KAT6A: variants seen among roughly 807,000 people sequenced by gnomAD.
KAT6A encodes lysine acetyltransferase 6A.
Under a neutral mutation model 198.4 loss-of-function variants are expected in KAT6A, and 9 were observed. That is an observed-to-expected ratio of 0.05 (90% CI 0.03 to 0.08). The LOEUF is 0.08. Among genes scored for constraint, KAT6A ranks in the 10% least tolerant of loss-of-function variants. KAT6A has a pLI of 1.00. For missense variants in KAT6A, 2,077 were observed against 2,509.9 expected (o/e 0.83, Z 3.69); for synonymous variants, 890 against 883.0 (o/e 1.01, Z -0.14).
chr8:41,948,632 G>T (rs1397115148), intron 10 of KAT6A, among the ~76,000 whole-genome samples: 1 of 152,052 alleles, frequency 6.6e-6, no homozygotes, highest in South Asian at 2.1e-4. Context: ...AACAACCCAG[G>T]TAGTTTAATA....
chr8:41,958,601 C>T (rs538197099), intron 8 of KAT6A, among the ~76,000 whole-genome samples: 1 of 152,254 alleles, frequency 6.6e-6, no homozygotes, highest in African/African-American at 2.4e-5. Context: ...AACCCTTGGA[C>T]TGGAGTAGAA....
At chr8:41,976,263 C>T (rs1292444586) in intron 7 of KAT6A, among the ~76,000 whole-genome samples, 7 of 152,184 alleles carry the variant, frequency 4.6e-5, no homozygotes, top group African/African-American at 9.7e-5. Context: ...CATTCTCATT[C>T]TACTTTCTTC....
At chr8:41,987,354 GT>G (rs1824666423) in intron 3 of KAT6A, 100 bp downstream of exon 3, 1 of 716,042 alleles carries the variant, frequency 1.4e-6, no homozygotes, top group Non-Finnish European at 2.5e-6. Flanking sequence ...ATGTATGACT[GT>G]ATTAATCTCA....
At position 41,931,178 on chromosome 8, in the gene KAT6A, A is replaced by T. The variant is rs1166386486; in HGVS notation, c.*1027T>A. On this transcript the variant is annotated 3_prime_UTR_variant, in exon 17 of 17. Coordinates refer to ENST00000265713, the MANE Select transcript of KAT6A (RefSeq NM_006766.5). The stretch of plus-strand genomic sequence containing the variant: ...GAACCTAAGAGGCAAATCACTGGGG[A>T]CTGCTATTTGAGTTTTATCAGTCAA... 4.5e-6 allele frequency: 1 copy of T among 222,194 alleles called. No individual in the cohort carries two copies. Among genetic ancestry groups the T allele is most frequent in the Non-Finnish European group, 9.0e-6 (1 of 110,896 alleles). 13.8% of individuals were successfully genotyped at this position (222,194 alleles called of 1,614,324 possible).
At chr8:42,036,796 T>G (rs1175918902) in intron 2 of KAT6A, among the ~76,000 whole-genome samples, 1 of 152,152 alleles carries the variant, frequency 6.6e-6, no homozygotes, top group Non-Finnish European at 1.5e-5. Context: ...CTTCTTGAGA[T>G]AAAGCAGTGA....
chr8:41,947,626 T>G (rs1057105188), intron 11 of KAT6A, 125 bp downstream of exon 11: 6 of 722,610 alleles, frequency 8.3e-6, no homozygotes, highest in Non-Finnish European at 1.1e-5. Flanking sequence ...TTCCTTCTAT[T>G]CTTTCCAAAC....
intron 2 of KAT6A, among the ~76,000 whole-genome samples, chr8:42,017,220 T>C (rs1024130614): frequency 2.0e-5 from 3 of 152,190 alleles, no homozygotes; most frequent in East Asian, 1.9e-4. Context: ...CGTTGTCAGG[T>C]TGACAGCATT....
chr8:41,988,290 GA>G (rs1197646363), intron 2 of KAT6A, among the ~76,000 whole-genome samples: 4 of 151,622 alleles, frequency 2.6e-5, no homozygotes, highest in African/African-American at 4.8e-5. Flanking sequence ...TAAGGGAGGG[GA>G]AAAAAAATAA....
intron 8 of KAT6A, among the ~76,000 whole-genome samples, chr8:41,961,590 T>C (rs945013881): frequency 6.6e-6 from 1 of 151,780 alleles, no homozygotes; most frequent in Non-Finnish European, 1.5e-5. Context: ...CTGTCCCTAC[T>C]AAAAATAGAA....
In KAT6A at chr8:41,933,382, C is replaced by CCCATGCTGG. The variant is rs1564003902; in HGVS notation, c.4829_4837dup (p.Ala1610_Met1612dup). The CCCATGCTGG allele has an allele frequency of 1.2e-6, 2 of 1,603,362 alleles. No homozygotes were observed. The highest frequency in any genetic ancestry group is 1.7e-6 in the Non-Finnish European group (2 of 1,176,758). On this transcript the variant is annotated inframe_insertion, in exon 17 of 17. Transcript: ENST00000265713. This position sits in a 1 kb window ranked among gnomAD's most constrained non-coding sequence, Gnocchi z 6.2. ...CTGCTGCATCATGCTGCAGCTGCTG[C>CCCATGCTGG]CCATGCTGGCCATCTGCTGAGTGAC...
chr8:42,031,992 C>G (rs1049864578), intron 2 of KAT6A, among the ~76,000 whole-genome samples: 2 of 150,786 alleles, frequency 1.3e-5, no homozygotes, highest in Non-Finnish European at 3.0e-5. Flanking sequence ...TGCAGTGGCC[C>G]GATCTCAGCT....
In KAT6A at chr8:42,028,898, AT is replaced by A. The variant is rs375834513; in HGVS notation, c.600+19479del. Among the ~76,000 whole-genome samples the A allele has an allele frequency of 2.3e-3, 344 of 151,722 alleles. 1 individual carries two copies. The highest frequency in any genetic ancestry group is 8.1e-3 in the African/African-American group (333 of 41,336). The stretch of plus-strand genomic sequence containing the variant: ...TATGTCTGCTCTTCTAGTGAGTTTT[AT>A]GTATTTGCATGTTTTCATGGCGGTA... On this transcript the variant is annotated intron_variant, in intron 2 of 16. Transcript: ENST00000265713.
intron 2 of KAT6A, among the ~76,000 whole-genome samples, chr8:42,042,255 G>A (rs868273306): frequency 1.3e-5 from 2 of 151,946 alleles, no homozygotes; most frequent in Non-Finnish European, 2.9e-5. Flanking sequence ...TCAGGAGTTC[G>A]AGACCAGCCT....
At chr8:41,953,393 G>A (rs1319530720) in intron 9 of KAT6A, among the ~76,000 whole-genome samples, 1 of 152,148 alleles carries the variant, frequency 6.6e-6, no homozygotes, top group Non-Finnish European at 1.5e-5. Context: ...TGTGATTTGG[G>A]CAGCTTGCAA....
At chr8:42,034,921 A>G (rs187403189) in intron 2 of KAT6A, among the ~76,000 whole-genome samples, 16 of 152,386 alleles carry the variant, frequency 1.0e-4, no homozygotes, top group Middle Eastern at 3.4e-3. Flanking sequence ...AAGGTCATAA[A>G]GCAAGTAGTC....
chr8:42,027,586 T>C (rs1826886181), intron 2 of KAT6A, among the ~76,000 whole-genome samples: 1 of 152,208 alleles, frequency 6.6e-6, no homozygotes, highest in South Asian at 2.1e-4. Flanking sequence ...AGCATACAGT[T>C]GTTCATAATA....
At chr8:41,983,853 G>C (rs1824476485) in intron 3 of KAT6A, among the ~76,000 whole-genome samples, 1 of 152,178 alleles carries the variant, frequency 6.6e-6, no homozygotes, top group South Asian at 2.1e-4. Flanking sequence ...TGCTACTGTG[G>C]TATGTGTTCC....
chr8:42,039,629 A>G (rs922736647), intron 2 of KAT6A, among the ~76,000 whole-genome samples: 4 of 152,244 alleles, frequency 2.6e-5, no homozygotes, highest in Non-Finnish European at 5.9e-5. Context: ...TAAAGAAAAA[A>G]CAGGCAGCAA....
chr8:41,966,851 A>G (rs988557813), intron 8 of KAT6A, among the ~76,000 whole-genome samples: 3 of 152,128 alleles, frequency 2.0e-5, no homozygotes, highest in African/African-American at 7.2e-5. Context: ...ATTGTGATTA[A>G]GGGTACAGAA....
Sources: gnomAD v4.1 joint callset for allele counts (sites outside exome capture counted in the v4.1 genomes callset) on GRCh38, gnomAD v4.1.1 for gene constraint, Gnocchi (gnomAD v3.1) non-coding constraint, MANE v1.5 for transcripts, NCBI Gene and HGNC (gene_info 2026-07-23, HGNC 2026-07-21) for gene names.